The following PNPT1 variants were observed in gnomAD, a reference collection of about 807,000 sequenced individuals.
The protein encoded by PNPT1 is polyribonucleotide nucleotidyltransferase 1, also known as polyribonucleotide nucleotidyltransferase 1, mitochondrial.
A neutral mutation model predicts 119.5 loss-of-function variants in PNPT1; 53 were observed. That is an observed-to-expected ratio of 0.44 (90% CI 0.36 to 0.56). The LOEUF (loss-of-function observed/expected upper bound fraction) is 0.56. PNPT1 is among the 20% of genes least tolerant of loss of function. The pLI is 0.00. For missense variants in PNPT1, 948 were observed against 938.5 expected (o/e 1.01, Z -0.13); for synonymous variants, 357 against 322.1 (o/e 1.11, Z -1.16).
intron 4 of PNPT1, among the ~76,000 whole-genome samples, chr2:55,684,056 T>C (rs559263581): frequency 3.3e-5 from 5 of 152,292 alleles, no homozygotes; most frequent in East Asian, 1.9e-4. Context: ...ACAATAAAGA[T>C]TGGGGAGCAA....
At chr2:55,675,689 T>C (rs1286202645) in intron 8 of PNPT1, among the ~76,000 whole-genome samples, 1 of 152,058 alleles carries the variant, frequency 6.6e-6, no homozygotes, top group African/African-American at 2.4e-5. Flanking sequence ...AGAGTGAGAC[T>C]GTCTTAAAAA....
chr2:55,653,194 T>G (rs1245529809), intron 18 of PNPT1, among the ~76,000 whole-genome samples: 1 of 152,214 alleles, frequency 6.6e-6, no homozygotes. Flanking sequence ...TTTAAGTTCT[T>G]AAGAGTCTTG....
chr2:55,666,283 G>C (rs1696727570), intron 13 of PNPT1, among the ~76,000 whole-genome samples: 1 of 152,114 alleles, frequency 6.6e-6, no homozygotes, highest in Non-Finnish European at 1.5e-5. Flanking sequence ...TTAAGAGACA[G>C]GGTCTGGCTT....
intron 10 of PNPT1, 106 bp downstream of exon 10, chr2:55,671,889 G>A (rs1436171741): frequency 1.3e-6 from 1 of 791,180 alleles, no homozygotes; most frequent in Non-Finnish European, 2.0e-6. Context: ...TTCATTTAGA[G>A]ATTTTTAATA....
At chr2:55,642,701 A>G (rs985049642) in intron 25 of PNPT1, among the ~76,000 whole-genome samples, 4 of 152,076 alleles carry the variant, frequency 2.6e-5, no homozygotes, top group Admixed American at 2.6e-4. Flanking sequence ...AATGATATAG[A>G]AAACAAAATA....
In PNPT1 at chr2:55,657,638, G is replaced by A. The variant is rs369118513; in HGVS notation, c.1285-1267C>T. 9.9e-4 allele frequency among the ~76,000 whole-genome samples: 149 copies of A among 151,026 alleles called. 1 individual carries two copies. Among genetic ancestry groups the A allele is most frequent in the Admixed American group, 2.6e-4 (4 of 15,148 alleles). ...TGACCTCAGGTGATCCGCCCGCCTCGGCCTCCCAAAGTGCTGGGATTACAG... is the reference window on the plus strand; with the variant it reads ...TGACCTCAGGTGATCCGCCCGCCTCAGCCTCCCAAAGTGCTGGGATTACAG... On this transcript the variant is annotated intron_variant, in intron 15 of 27. Transcript: ENST00000447944.
rs137967929 is a variant in PNPT1, at chr2:55,681,501, C to A, written c.454-583G>T. Among the ~76,000 whole-genome samples the A allele has an allele frequency of 3.5e-3, 525 of 152,098 alleles. 3 individuals are homozygous for A. Among genetic ancestry groups the A allele is most frequent in the African/African-American group, 0.01 (435 of 41,492 alleles). On this transcript the variant is annotated intron_variant, in intron 5 of 27. Transcript: ENST00000447944. ...CGGTAGGTAAAGCACTTATCACAGT[C>A]CTCGCATGTTGCAAGTATTCAGTAA...
intron 27 of PNPT1, among the ~76,000 whole-genome samples, chr2:55,637,119 C>A (rs1695700268): frequency 6.6e-6 from 1 of 152,120 alleles, no homozygotes; most frequent in African/African-American, 2.4e-5. Flanking sequence ...AAAGAAAGGG[C>A]CAATTTTGTT....
chr2:55,689,878 G>A (rs1203411109), intron 1 of PNPT1, among the ~76,000 whole-genome samples: 5 of 152,104 alleles, frequency 3.3e-5, no homozygotes, highest in Non-Finnish European at 7.4e-5. Context: ...CTGGAGTGCC[G>A]TGGTGCCATC....
chr2:55,665,981 T>C (rs1395885975), intron 13 of PNPT1, among the ~76,000 whole-genome samples: 1 of 152,084 alleles, frequency 6.6e-6, no homozygotes, highest in Non-Finnish European at 1.5e-5. Context: ...AGAAAAAGAA[T>C]AGAACTGTAC....
At position 55,682,569 on chromosome 2, in the gene PNPT1, C is replaced by A. The variant is rs914250891; in HGVS notation, c.453+1216G>T. 2.6e-5 allele frequency among the ~76,000 whole-genome samples: 4 copies of A among 152,028 alleles called. No homozygotes were observed. The South Asian group carries it at 6.2e-4, about 24-fold the overall frequency. On this transcript the variant is annotated intron_variant, in intron 5 of 27. Transcript: ENST00000447944. The stretch of plus-strand genomic sequence containing the variant: ...GTTCTTTTTATAAGCATAGATTAAA[C>A]AAACTTTATACTGCAATAATGTGCC...
Position 55,650,379 on chromosome 2 carries a change from G to C in PNPT1, c.1496-2926C>G, listed in dbSNP as rs566378760. Among the ~76,000 whole-genome samples, 9 of 152,328 alleles carry C rather than the reference G, an allele frequency of 5.9e-5. No homozygotes were observed. The South Asian group carries it at 1.0e-3, about 18-fold the overall frequency. Reference sequence around the variant, plus strand: ...GGGCTGGTCTCCAGCTCCTAACTGCGAGTGATCCGCTAGCCTCGGCATCCT... The same window carrying C: ...GGGCTGGTCTCCAGCTCCTAACTGCCAGTGATCCGCTAGCCTCGGCATCCT... On this transcript the variant is annotated intron_variant, in intron 18 of 27. Coordinates refer to ENST00000447944, the MANE Select transcript of PNPT1 (RefSeq NM_033109.5).
Position 55,646,318 on chromosome 2 carries a change from T to A in PNPT1, c.1679A>T (p.Asp560Val). 1 of 1,611,898 alleles carries A rather than the reference T, an allele frequency of 6.2e-7. No homozygotes were observed. The highest frequency in any genetic ancestry group is 2.2e-5 in the East Asian group (1 of 44,816). Residue 560 changes from aspartate (D) to valine (V), a missense_variant, in exon 21 of 28, where the codon GAT (aspartate) becomes GTT (valine). Physicochemically the swap from Asp to Val is radical, Grantham distance 152 (BLOSUM62 -3). Transcript: ENST00000447944. ...TNKGITALQADIKLPGIPIKI... is the reference protein window; with the variant it reads ...TNKGITALQAVIKLPGIPIKI... ...TATTGGTATTCCAGGTAATTTAATATCAGCCTAATATGGAAAAGTCAAACA... is the reference window on the plus strand; with the variant it reads ...TATTGGTATTCCAGGTAATTTAATAACAGCCTAATATGGAAAAGTCAAACA...
intron 18 of PNPT1, among the ~76,000 whole-genome samples, chr2:55,650,903 T>G (rs1333151707): frequency 7.2e-6 from 1 of 139,360 alleles, no homozygotes; most frequent in East Asian, 2.3e-4. Context: ...GGTGGGGGGG[T>G]CAGCCCCCCG....
At chr2:55,685,076 A>G (rs756923925) in intron 3 of PNPT1, 28 bp from the exon 4 acceptor site, 11 of 1,531,260 alleles carry the variant, frequency 7.2e-6, no homozygotes, top group Non-Finnish European at 2.7e-6. Flanking sequence ...AAAAGTTCAT[A>G]TAATTCTTTT....
Position 55,646,469 on chromosome 2 carries a change from A to G in PNPT1, c.1620T>C (p.Asn540=). 6.8e-6 allele frequency: 11 copies of G among 1,611,582 alleles called. No homozygotes were observed. The highest frequency in any genetic ancestry group is 2.7e-5 in the African/African-American group (2 of 74,950). Residue 540 remains asparagine, a synonymous_variant, in exon 20 of 28, where the codon AAT becomes AAC. Coordinates refer to ENST00000447944, the MANE Select transcript of PNPT1 (RefSeq NM_033109.5). ...LTDILGIEDY[N]GDMDFKIAGT... is the part of the protein sequence containing the mutation. ...CAGCTATTTTGAAGTCCATGTCACC[A>G]TTGTAATCTTCAATTCCCTTCAGGA...
chr2:55,650,387 C>T (rs535718595), intron 18 of PNPT1, among the ~76,000 whole-genome samples: 4 of 152,332 alleles, frequency 2.6e-5, no homozygotes, highest in East Asian at 1.9e-4. Flanking sequence ...GCGAGTGATC[C>T]GCTAGCCTCG....
chr2:55,673,821 A>G (rs1696985427), intron 8 of PNPT1, among the ~76,000 whole-genome samples: 1 of 152,118 alleles, frequency 6.6e-6, no homozygotes, highest in African/African-American at 2.4e-5. Context: ...AAGTGACTTT[A>G]GGTGATCTGC....
intron 18 of PNPT1, among the ~76,000 whole-genome samples, chr2:55,653,554 C>T (rs1463495315): frequency 6.6e-6 from 1 of 152,226 alleles, no homozygotes; most frequent in Non-Finnish European, 1.5e-5. Flanking sequence ...TTTTGTTCAT[C>T]ACCATGTCCT....
Sources: allele counts gnomAD v4.1 joint callset (sites outside exome capture counted in the v4.1 genomes callset), GRCh38; gene constraint gnomAD v4.1.1; transcripts MANE v1.5; gene names NCBI Gene and HGNC (gene_info 2026-07-23, HGNC 2026-07-21).